Variants in TMEM217 observed in about 807,000 individuals in gnomAD.
The protein encoded by TMEM217 is chromosome 6 open reading frame 128.
For missense variants in TMEM217, 204 were observed against 248.8 expected (o/e 0.82, Z 1.21); for synonymous variants, 76 against 88.3 (o/e 0.86, Z 0.78).
At chr6:37,223,311 A>T (rs1763647549) in intron 1 of TMEM217, among the ~76,000 whole-genome samples, 1 of 152,332 alleles carries the variant, frequency 6.6e-6, no homozygotes, top group South Asian at 2.1e-4. Context: ...TACACAAAAC[A>T]TATGGTACTC....
downstream of TMEM217, among the ~76,000 whole-genome samples, chr6:37,216,380 G>A (rs79748598): frequency 1.3e-5 from 2 of 152,246 alleles, no homozygotes; most frequent in South Asian, 2.1e-4. Flanking sequence ...CGCCTGGCCC[G>A]ATTTGCATTT....
rs943556475 is a variant in TMEM217 at position 37,245,238 on chromosome 6, AC to A, written c.-12+12329del. Among the ~76,000 whole-genome samples, 260 of 152,350 alleles carry A rather than the reference AC, an allele frequency of 1.7e-3. 2 individuals are homozygous for A. The highest frequency in any genetic ancestry group is 5.9e-3 in the Admixed American group (91 of 15,306). On this transcript the variant is annotated intron_variant, in intron 1 of 1. Transcript: ENST00000357219. Reference sequence around the variant, plus strand: ...CCTTACAGGGCGGTAGGTAGCCCCAACATCATAACACAGAGCTGGGTCACTG... The same window carrying A: ...CCTTACAGGGCGGTAGGTAGCCCCAAATCATAACACAGAGCTGGGTCACTG...
chr6:37,247,567 T>G (rs975408760), intron 1 of TMEM217, among the ~76,000 whole-genome samples: 7 of 152,012 alleles, frequency 4.6e-5, no homozygotes, highest in Admixed American at 1.3e-4. Context: ...TTTGTATTTT[T>G]GGTAGAGATG....
chr6:37,248,970 G>A (rs750794377), intron 1 of TMEM217, among the ~76,000 whole-genome samples: 1 of 152,262 alleles, frequency 6.6e-6, no homozygotes, highest in East Asian at 1.9e-4. Flanking sequence ...GTGGCTCCAG[G>A]TATTCCTTGG....
chr6:37,250,515 G>C (rs1765342444), intron 1 of TMEM217, among the ~76,000 whole-genome samples: 1 of 152,212 alleles, frequency 6.6e-6, no homozygotes, highest in Admixed American at 6.5e-5. Context: ...AAGCCATTTT[G>C]GAGAACATTT....
chr6:37,247,377 C>T (rs909570233), intron 1 of TMEM217, among the ~76,000 whole-genome samples: 10 of 132,680 alleles, frequency 7.5e-5, no homozygotes, highest in East Asian at 2.2e-4. Flanking sequence ...CAATAAAGGG[C>T]GAACTTTTTT....
intron 1 of TMEM217, among the ~76,000 whole-genome samples, chr6:37,251,989 G>T (rs1216899475): frequency 1.3e-5 from 2 of 152,146 alleles, no homozygotes; most frequent in African/African-American, 4.8e-5. Flanking sequence ...CACCTCCCAG[G>T]TTCAAGCAAT....
chr6:37,212,298 G>GT (rs1355271356), exon 4 of TMEM217: 1 of 353,410 alleles, frequency 2.8e-6, no homozygotes, highest in African/African-American at 2.1e-5. Flanking sequence ...TCCTCAGTGC[G>GT]TAAAACTCAA....
chr6:37,252,587 GTA>G lies in TMEM217; in HGVS notation c.-12+4979_-12+4980del, dbSNP rs1380918434. ...GGGGTGTGTGTGTGCACGTGTACGTGTATGTGTGTGTGTGTGTGTGTATGTGT... is the reference window on the plus strand; with the variant it reads ...GGGGTGTGTGTGTGCACGTGTACGTGTGTGTGTGTGTGTGTGTGTATGTGT... On this transcript the variant is annotated intron_variant, in intron 1 of 1. Coordinates refer to ENST00000357219, the Ensembl canonical transcript of TMEM217. 5.1e-3 allele frequency among the ~76,000 whole-genome samples: 152 copies of G among 29,912 alleles called. 1 individual carries two copies. The highest frequency in any genetic ancestry group is 0.026 in the African/African-American group (131 of 5,040). The allele number at this position is 29,912 out of a possible 152,430, so 19.6% of individuals were successfully genotyped here.
intron 1 of TMEM217, among the ~76,000 whole-genome samples, chr6:37,245,171 C>T (rs181725466): frequency 1.6e-4 from 25 of 152,304 alleles, no homozygotes; most frequent in Non-Finnish European, 2.6e-4. Flanking sequence ...GAATTAAGAT[C>T]GTGAATGCAA....
At chr6:37,246,985 T>C (rs929669014) in intron 1 of TMEM217, among the ~76,000 whole-genome samples, 1 of 152,090 alleles carries the variant, frequency 6.6e-6, no homozygotes, top group South Asian at 2.1e-4. Context: ...GGTTAGGAGT[T>C]TGGATTTCAT....
chr6:37,244,381 G>C (rs557956664), intron 1 of TMEM217, among the ~76,000 whole-genome samples: 1 of 152,204 alleles, frequency 6.6e-6, no homozygotes, highest in African/African-American at 2.4e-5. Context: ...TTTCACATGA[G>C]GGAGAAAAAC....
chr6:37,257,721 C>A lies in TMEM217; in HGVS notation c.-165G>T, dbSNP rs1765842281. The stretch of plus-strand genomic sequence containing the variant: ...CCGGCTCCCAATTGGTCGGCCCGTC[C>A]ACGGCTTGCGCAGCTCACCAATGGC... On this transcript the variant is annotated 5_prime_UTR_variant, in exon 1 of 2. An upstream open reading frame in the 5' UTR gains an earlier in-frame stop. Transcript: ENST00000357219. 3.4e-6 allele frequency: 2 copies of A among 581,828 alleles called. No individual in the cohort carries two copies. Among genetic ancestry groups the A allele is most frequent in the Non-Finnish European group, 5.9e-6 (2 of 339,844 alleles). The allele number at this position is 581,828 out of a possible 1,614,324, so 36.0% of individuals were successfully genotyped here. A position where few individuals can be genotyped will look rare whatever the true frequency, so the allele number is the denominator to read the frequency against.
chr6:37,234,735 C>CA (rs1264453739), intron 1 of TMEM217, among the ~76,000 whole-genome samples: 2 of 148,526 alleles, frequency 1.3e-5, no homozygotes, highest in African/African-American at 5.0e-5. Context: ...GACTCCATCT[C>CA]AAAAAAAAGA....
downstream of TMEM217, chr6:37,215,374 A>G: frequency 1.4e-6 from 2 of 1,425,840 alleles, no homozygotes; most frequent in Non-Finnish European, 1.9e-6. Context: ...CAGGAGTTCA[A>G]GACCAGTCTA....
chr6:37,217,623 C>T (rs934994547), downstream of TMEM217: 49 of 984,928 alleles, frequency 5.0e-5, no homozygotes, highest in South Asian at 9.4e-5. Context: ...TGGGGAAATT[C>T]GAGACATAAA....
At chr6:37,234,666 G>A (rs964630005) in intron 1 of TMEM217, among the ~76,000 whole-genome samples, 7 of 152,078 alleles carry the variant, frequency 4.6e-5, no homozygotes, top group Non-Finnish European at 8.8e-5. Flanking sequence ...AACCTAGGAG[G>A]CAGAGGTTGC....
intron 1 of TMEM217, among the ~76,000 whole-genome samples, chr6:37,221,442 C>T (rs1763519373): frequency 6.6e-6 from 1 of 152,180 alleles, no homozygotes; most frequent in Non-Finnish European, 1.5e-5. Context: ...CCACCTCGGC[C>T]TCCCAAAGTG....
chr6:37,229,334 A>AGTTT (rs1764038451), intron 1 of TMEM217, among the ~76,000 whole-genome samples: 4 of 30,296 alleles, frequency 1.3e-4, no homozygotes, highest in Admixed American at 3.6e-4. Flanking sequence ...AGCAACTTTC[A>AGTTT]GTTTTTTTTT....
Sources: allele counts gnomAD v4.1 joint callset (sites outside exome capture counted in the v4.1 genomes callset), GRCh38; gene constraint gnomAD v4.1.1; transcripts MANE v1.5; gene names NCBI Gene and HGNC (gene_info 2026-07-23, HGNC 2026-07-21).